Variants in A2M observed in about 807,000 individuals in gnomAD.
A2M encodes C3 and PZP-like alpha-2-macroglobulin domain-containing protein 5.
A neutral mutation model predicts 183.9 loss-of-function variants in A2M; 128 were observed. The observed-to-expected ratio is 0.70, with a 90% CI of 0.60 to 0.81. A2M has a LOEUF of 0.81. A2M is among the 30% of genes least tolerant of loss of function. The pLI, the probability that A2M is intolerant of heterozygous loss-of-function variation, is 0.00. For missense variants in A2M, 1,495 were observed against 1,787.6 expected (o/e 0.84, Z 2.95); for synonymous variants, 592 against 670.8 (o/e 0.88, Z 1.81).
At chr12:9,073,224 C>T (rs971318053) in intron 29 of A2M, among the ~76,000 whole-genome samples, 14 of 152,214 alleles carry the variant, frequency 9.2e-5, no homozygotes, top group Non-Finnish European at 1.8e-4. Context: ...ATGCTCATAT[C>T]TGCCACCACT....
intron 8 of A2M, among the ~76,000 whole-genome samples, chr12:9,106,898 C>T (rs1422756484): frequency 2.6e-5 from 4 of 152,034 alleles, no homozygotes; most frequent in Non-Finnish European, 5.9e-5. Flanking sequence ...AATATTTATA[C>T]ATATTTATGG....
At chr12:9,109,006 C>A (rs1048742467) in intron 7 of A2M, among the ~76,000 whole-genome samples, 8 of 149,104 alleles carry the variant, frequency 5.4e-5, no homozygotes, top group African/African-American at 1.8e-4. Context: ...AGAACCAATA[C>A]CCTTCAACAC....
rs1453334878 is a variant in A2M at position 9,076,807 on chromosome 12, C to T, written c.3481G>A (p.Asp1161Asn). The change falls in exon 28 of 36, where the codon GAC (aspartate) becomes AAC (asparagine). Residue 1161 changes from aspartate (D) to asparagine (N), a missense_variant. Physicochemically the swap from Asp to Asn is conservative, Grantham distance 23. Coordinates refer to ENST00000318602, the MANE Select transcript of A2M (RefSeq NM_000014.6). The stretch of plus-strand genomic sequence containing the variant: ...GACTTGAGTACTTCCTTCCTCTTGT[C>T]CTGGTTACCTGCCAGGGCAAAAGCA... The part of the protein sequence containing the change: ...AYAFALAGNQ[D>N]KRKEVLKSLN... 9 of 1,613,852 alleles carry T rather than the reference C, an allele frequency of 5.6e-6. No individual in the cohort carries two copies. The highest frequency in any genetic ancestry group is 7.6e-6 in the Non-Finnish European group (9 of 1,179,946).
At chr12:9,092,902 G>A (rs1044573379) in intron 18 of A2M, among the ~76,000 whole-genome samples, 2 of 152,172 alleles carry the variant, frequency 1.3e-5, no homozygotes, top group Admixed American at 6.5e-5. Flanking sequence ...GTGGCTATGC[G>A]TAATGGAATA....
In A2M at chr12:9,079,591, C is replaced by A. The variant is rs181014159; in HGVS notation, c.3031+48G>T. 140 of 1,549,894 alleles carry A rather than the reference C, an allele frequency of 9.0e-5. 1 individual carries two copies. In the Admixed American group the frequency reaches 2.3e-3, roughly 26 times the overall value. On this transcript the variant is annotated intron_variant, in intron 24 of 35. Transcript: ENST00000318602. ...AAGTAACTGAAACCTACTGGGAAAT[C>A]CAGTTGAAATAACATTCAAGTTTTC...
chr12:9,067,774 G>GAGCTCTGAGAACAGGA lies in A2M; in HGVS notation c.*33_*48dup, dbSNP rs747596889. The GAGCTCTGAGAACAGGA allele has an allele frequency of 1.0e-5, 16 of 1,590,094 alleles. No homozygotes were observed. The highest frequency in any genetic ancestry group is 1.4e-5 in the Non-Finnish European group (16 of 1,159,990). On this transcript the variant is annotated 3_prime_UTR_variant, in exon 36 of 36. Coordinates refer to ENST00000318602, the MANE Select transcript of A2M (RefSeq NM_000014.6). ...GATACAAAAACACGTGTCTTCTGTG[G>GAGCTCTGAGAACAGGA]AGCTCTGAGAACAGGACTCCAGCAA...
In A2M at chr12:9,079,658, G is replaced by A; in HGVS notation, c.3012C>T (p.Ala1004=). 1 of 1,613,336 alleles carries A rather than the reference G, an allele frequency of 6.2e-7. No individual in the cohort carries two copies. The highest frequency in any genetic ancestry group is 8.5e-7 in the Non-Finnish European group (1 of 1,179,582). The part of the protein sequence containing the change: ...QQLTPEIKSK[A]IGYLNTGYQR... ...ACTCACCAGTGTTGAGATAGCCAAT[G>A]GCCTTGGACTTGATCTCTGGAGTAA... The change falls in exon 24 of 36, where the codon GCC becomes GCT. Residue 1004 remains alanine, a synonymous_variant. Transcript: ENST00000318602.
At chr12:9,089,278 T>G in intron 21 of A2M, 27 bp from the exon 22 acceptor site, 1 of 1,522,584 alleles carries the variant, frequency 6.6e-7, no homozygotes, top group Non-Finnish European at 9.0e-7. Context: ...GAAAAGCTAG[T>G]GAGAATGGAC....
intron 15 of A2M, chr12:9,098,317 A>G (rs749770748): frequency 6.0e-5 from 10 of 167,318 alleles, no homozygotes; most frequent in Non-Finnish European, 1.3e-4. Context: ...GTGTCTGAAT[A>G]ACGAGTCCTT....
intron 22 of A2M, among the ~76,000 whole-genome samples, chr12:9,086,040 C>T (rs1223548333): frequency 6.6e-6 from 1 of 152,084 alleles, no homozygotes; most frequent in African/African-American, 2.4e-5. Flanking sequence ...TAACTGTTGG[C>T]TTCACTGCTA....
At chr12:9,114,233 A>G (rs1938955084) in intron 1 of A2M, among the ~76,000 whole-genome samples, 1 of 152,230 alleles carries the variant, frequency 6.6e-6, no homozygotes, top group Non-Finnish European at 1.5e-5. Flanking sequence ...TTGGTAACTC[A>G]TGTGCAGTAC....
intron 20 of A2M, 137 bp from the exon 21 acceptor site, chr12:9,090,160 T>G: frequency 2.2e-6 from 3 of 1,380,996 alleles, no homozygotes; most frequent in Non-Finnish European, 3.0e-6. Flanking sequence ...AACATGCAAA[T>G]GAGAGGTGAA....
intron 32 of A2M, 147 bp from the exon 33 acceptor site, chr12:9,069,960 T>C (rs1367721834): frequency 1.5e-6 from 1 of 651,480 alleles, no homozygotes; most frequent in African/African-American, 1.8e-5. Context: ...GTAATACAAT[T>C]AAAAATGAAA....
Position 9,077,282 on chromosome 12 carries a change from A to C in A2M, c.3351+64T>G. The C allele has an allele frequency of 2.1e-6, 3 of 1,412,362 alleles. No individual in the cohort carries two copies. In the South Asian group the frequency reaches 3.6e-5, roughly 17 times the overall value. The allele number at this position is 1,412,362 out of a possible 1,614,324, so 87.5% of individuals were successfully genotyped here. ...CTTTTAATAGGATAGTATTTCAGAC[A>C]GCAGGTCAGCAGTTTCATTGCATCC... is the stretch of plus-strand genomic sequence containing the variant. On this transcript the variant is annotated intron_variant, in intron 27 of 35. Transcript: ENST00000318602.
intron 17 of A2M, among the ~76,000 whole-genome samples, chr12:9,094,340 CATATATATATATATATATATATATAT>C (rs59647548): frequency 7.2e-5 from 7 of 97,018 alleles, no homozygotes; most frequent in East Asian, 3.7e-4. Context: ...AAAAATTGTG[CATATATATATATATATATATATATAT>C]ATATATATAC....
At chr12:9,100,173 A>T (rs1244602658) in intron 13 of A2M, among the ~76,000 whole-genome samples, 1 of 152,188 alleles carries the variant, frequency 6.6e-6, no homozygotes, top group African/African-American at 2.4e-5. Context: ...AGAAGTACCC[A>T]ATTTAATGCT....
intron 23 of A2M, 32 bp from the exon 24 acceptor site, chr12:9,079,847 G>T: frequency 6.6e-7 from 1 of 1,511,432 alleles, no homozygotes; most frequent in Non-Finnish European, 8.9e-7. Context: ...AAGTCATAAA[G>T]CTTGGAGATT....
rs765169441 is a variant in A2M at position 9,113,448 on chromosome 12, C to T, written c.182G>A (p.Ser61Asn). Residue 61 changes from serine to asparagine, a missense_variant, in exon 2 of 36, where the codon AGT becomes AAT. Transcript: ENST00000318602. The part of the protein sequence containing the change: ...LSYLNETVTV[S>N]ASLESVRGNR... ...TCCCCTGACAGACTCCAAGGAAGCA[C>T]TTACAGTCACTGTCTCATTCAGGTA... 1 of 1,613,956 alleles carries T rather than the reference C, an allele frequency of 6.2e-7. No individual in the cohort carries two copies. The highest frequency in any genetic ancestry group is 1.3e-5 in the African/African-American group (1 of 74,956).
In A2M at chr12:9,098,768, G is replaced by A. The variant is rs1592374497; in HGVS notation, c.1702-12C>T. The A allele has an allele frequency of 6.2e-7, 1 of 1,611,264 alleles. No homozygotes were observed. Among genetic ancestry groups the A allele is most frequent in the South Asian group, 1.1e-5 (1 of 89,986 alleles). ...AAGCTCAAATCCACCTGTGAAATTG[G>A]AACAAAAGGTCAGAAAAGCAAATTT... On this transcript the variant is annotated splice_polypyrimidine_tract_variant and intron_variant, in intron 14 of 35. Coordinates refer to ENST00000318602, the MANE Select transcript of A2M (RefSeq NM_000014.6).
Sources: allele counts gnomAD v4.1 joint callset (sites outside exome capture counted in the v4.1 genomes callset), GRCh38; gene constraint gnomAD v4.1.1; transcripts MANE v1.5; gene names NCBI Gene and HGNC (gene_info 2026-07-23, HGNC 2026-07-21).